The following OXR1 variants were observed in gnomAD, a reference collection of about 807,000 sequenced individuals.
OXR1 encodes the protein oxidation resistance protein 1.
Under a neutral mutation model 104.6 loss-of-function variants are expected in OXR1, and 41 were observed. That is an observed-to-expected ratio of 0.39 (90% CI 0.31 to 0.51). The LOEUF (loss-of-function observed/expected upper bound fraction) is 0.51, where lower values mean the gene tolerates loss of function less well. Among genes scored for constraint, OXR1 ranks in the 20% least tolerant of loss-of-function variants. OXR1 has a pLI of 0.77. For missense variants in OXR1, 955 were observed against 1,031.9 expected (o/e 0.93, Z 1.02); for synonymous variants, 348 against 348.4 (o/e 1.00, Z 0.01).
At chr8:106,641,531 T>C (rs1002110154) in intron 3 of OXR1, among the ~76,000 whole-genome samples, 1 of 151,938 alleles carries the variant, frequency 6.6e-6, no homozygotes, top group East Asian at 1.9e-4. Flanking sequence ...TTGCCAGAGG[T>C]GTAAGGTGGT....
chr8:106,415,704 C>T (rs1441108999), intron 2 of OXR1, among the ~76,000 whole-genome samples: 1 of 138,876 alleles, frequency 7.2e-6, no homozygotes, highest in Non-Finnish European at 1.5e-5. Flanking sequence ...ATGGTTAGTT[C>T]TACTCACACT....
At chr8:106,396,311 G>T (rs1433150840) in intron 2 of OXR1, among the ~76,000 whole-genome samples, 1 of 151,900 alleles carries the variant, frequency 6.6e-6, no homozygotes, top group Non-Finnish European at 1.5e-5. Context: ...GACACACACC[G>T]CCTGAGCCAA....
At chr8:106,454,172 A>G (rs947763336) in intron 2 of OXR1, among the ~76,000 whole-genome samples, 1 of 151,474 alleles carries the variant, frequency 6.6e-6, no homozygotes, top group Non-Finnish European at 1.5e-5. Context: ...TCCACACAGT[A>G]TTCTCCATTT....
chr8:106,320,731 A>T (rs1320331844), intron 1 of OXR1, among the ~76,000 whole-genome samples: 3 of 151,850 alleles, frequency 2.0e-5, no homozygotes, highest in Non-Finnish European at 4.4e-5. Flanking sequence ...GAGTGCAGTG[A>T]CACAATCTCG....
chr8:106,490,538 A>G (rs1470238235), intron 2 of OXR1, among the ~76,000 whole-genome samples: 1 of 150,478 alleles, frequency 6.6e-6, no homozygotes, highest in Non-Finnish European at 1.5e-5. Context: ...TTGTGTGTGC[A>G]TATTTTTAGG....
intron 2 of OXR1, among the ~76,000 whole-genome samples, chr8:106,408,138 A>C (rs1818313062): frequency 6.6e-6 from 1 of 152,152 alleles, no homozygotes; most frequent in African/African-American, 2.4e-5. Flanking sequence ...ATCGATCCCC[A>C]AATAGCGTTG....
intron 3 of OXR1, among the ~76,000 whole-genome samples, chr8:106,558,473 A>G (rs901630205): frequency 6.6e-6 from 1 of 152,200 alleles, no homozygotes; most frequent in African/African-American, 2.4e-5. Context: ...GGAGAGGGCC[A>G]TTGGAAGGCT....
Position 106,652,092 on chromosome 8 carries a change from G to A in OXR1, c.221-27118G>A. On this transcript the variant is annotated intron_variant, in intron 3 of 16. Transcript: ENST00000517566. ...TTTTGTAATGTGTCTATTTGCAGGG[G>A]TATCTCTTTCTAATCGCACAAAAAC... 1.3e-5 allele frequency among the ~76,000 whole-genome samples: 2 copies of A among 151,998 alleles called. 1 individual carries two copies. The highest frequency in any genetic ancestry group is 2.9e-5 in the Non-Finnish European group (2 of 67,952).
intron 3 of OXR1, among the ~76,000 whole-genome samples, chr8:106,661,633 A>G (rs1825776270): frequency 6.6e-6 from 1 of 151,990 alleles, no homozygotes; most frequent in African/African-American, 2.4e-5. Flanking sequence ...CTCTCAACTT[A>G]CTGTCGTATA....
intron 3 of OXR1, among the ~76,000 whole-genome samples, chr8:106,548,782 AT>A (rs1815574021): frequency 6.6e-6 from 1 of 152,196 alleles, no homozygotes; most frequent in Non-Finnish European, 1.5e-5. Flanking sequence ...GTCATTTTCT[AT>A]TAATATGAAG....
intron 2 of OXR1, among the ~76,000 whole-genome samples, chr8:106,373,853 C>T (rs535374621): frequency 3.9e-5 from 6 of 152,294 alleles, no homozygotes; most frequent in Admixed American, 1.3e-4. Flanking sequence ...GCCTCCCAAA[C>T]TGTTGGGATT....
At chr8:106,598,293 GTTTAATGTC>G (rs975213902) in intron 3 of OXR1, among the ~76,000 whole-genome samples, 1 of 152,162 alleles carries the variant, frequency 6.6e-6, no homozygotes, top group Non-Finnish European at 1.5e-5. Context: ...TTCTCTGAAA[GTTTAATGTC>G]TTATAAGGTA....
chr8:106,690,557 G>A (rs1829175195), intron 6 of OXR1, among the ~76,000 whole-genome samples: 1 of 150,014 alleles, frequency 6.7e-6, no homozygotes. Flanking sequence ...ACAAGAAATG[G>A]GTAAATTACT....
intron 1 of OXR1, among the ~76,000 whole-genome samples, chr8:106,306,265 G>A (rs1168592506): frequency 6.6e-6 from 1 of 151,982 alleles, no homozygotes; most frequent in African/African-American, 2.4e-5. Context: ...AAGCACTGAT[G>A]TACAAATCCT....
intron 2 of OXR1, among the ~76,000 whole-genome samples, chr8:106,370,485 A>G (rs956399707): frequency 1.3e-5 from 2 of 152,172 alleles, no homozygotes; most frequent in African/African-American, 4.8e-5. Flanking sequence ...CCAGTTTTCA[A>G]AGGGAATGAG....
At chr8:106,384,216 T>A (rs1267264267) in intron 2 of OXR1, among the ~76,000 whole-genome samples, 1 of 152,224 alleles carries the variant, frequency 6.6e-6, no homozygotes, top group Non-Finnish European at 1.5e-5. Context: ...TTGGAGTCTG[T>A]GATGATGATG....
intron 2 of OXR1, among the ~76,000 whole-genome samples, chr8:106,432,183 C>G (rs1272049147): frequency 6.6e-6 from 1 of 152,178 alleles, no homozygotes; most frequent in Non-Finnish European, 1.5e-5. Flanking sequence ...ATCTTCCTAA[C>G]CGTTCTCTGC....
At position 106,588,768 on chromosome 8, in the gene OXR1, C is replaced by T. The variant is rs139724598; in HGVS notation, c.220+69629C>T. ...TGCTGGGATTACAGGTATGAGCCAC[C>T]GCGCCCAGCCTCTCATTTAATTTTA... is the stretch of plus-strand genomic sequence containing the variant. On this transcript the variant is annotated intron_variant, in intron 3 of 16. Coordinates refer to ENST00000517566, the MANE Select transcript of OXR1 (RefSeq NM_001198533.2). Among the ~76,000 whole-genome samples, 506 of 152,230 alleles carry T rather than the reference C, an allele frequency of 3.3e-3. 3 individuals carry two copies. Among genetic ancestry groups the T allele is most frequent in the African/African-American group, 0.011 (452 of 41,550 alleles).
intron 3 of OXR1, among the ~76,000 whole-genome samples, chr8:106,601,133 A>G (rs1447061876): frequency 6.6e-6 from 1 of 152,218 alleles, no homozygotes; most frequent in Non-Finnish European, 1.5e-5. Context: ...ATCTTAGGGC[A>G]CTGTTTGCAA....
Sources: allele counts gnomAD v4.1 joint callset (sites outside exome capture counted in the v4.1 genomes callset), GRCh38; gene constraint gnomAD v4.1.1; transcripts MANE v1.5; gene names NCBI Gene and HGNC (gene_info 2026-07-23, HGNC 2026-07-21).